The following CIAO3 variants were observed in gnomAD, a reference collection of about 807,000 sequenced individuals.
The protein encoded by CIAO3 is LET1 like/JFP15.
CIAO3 carries 45 observed loss-of-function variants against 51.5 expected under a neutral mutation model. That is an observed-to-expected ratio of 0.87 (90% CI 0.69 to 1.12). The LOEUF is 1.12. Among genes scored for constraint, CIAO3 ranks in the 50% most tolerant of loss-of-function variants. The pLI is 0.00. For missense variants in CIAO3, 668 were observed against 632.5 expected (o/e 1.06, Z -0.60); for synonymous variants, 314 against 269.3 (o/e 1.17, Z -1.63).
chr16:733,682 TGGCCTTCCCAC>T (rs2041307756), intron 6 of CIAO3: 1 of 513,582 alleles, frequency 1.9e-6, no homozygotes. Context: ...GGAGGAGAAG[TGGCCTTCCCAC>T]GGCTCGGGCC....
chr16:739,992 C>G (rs769885845), intron 1 of CIAO3: 1 of 1,476,486 alleles, frequency 6.8e-7, no homozygotes, highest in South Asian at 1.2e-5. Context: ...CTGCAAACTA[C>G]CCACCTGCGG....
At chr16:736,733 G>A (rs375105318) in intron 3 of CIAO3, among the ~76,000 whole-genome samples, 25 of 152,058 alleles carry the variant, frequency 1.6e-4, no homozygotes, top group Non-Finnish European at 7.4e-5. Flanking sequence ...GCGCAATCTC[G>A]GCTCACTGCA....
At chr16:732,740 G>C in intron 7 of CIAO3, 1 of 355,178 alleles carries the variant, frequency 2.8e-6, no homozygotes, top group Middle Eastern at 9.9e-4. Flanking sequence ...GGGATCAAGT[G>C]ACTCTCCTGC....
chr16:730,650 G>C lies in CIAO3; in HGVS notation c.1198C>G (p.Leu400Val), dbSNP rs375118802. Reference sequence around the variant, plus strand: ...GCCTGGAGCTGGCCCCCGCCGTTCAGGCAGCCTATGGGAGAGCAGACGGGA... The same window carrying C: ...GCCTGGAGCTGGCCCCCGCCGTTCACGCAGCCTATGGGAGAGCAGACGGGA... Reference protein sequence around the residue: ...VEVMACPSGCLNGGGQLQAPD... With the variant: ...VEVMACPSGCVNGGGQLQAPD... Residue 400 changes from leucine (L) to valine (V), a missense_variant, in exon 11 of 11, where the codon CTG (leucine) becomes GTG (valine). Coordinates refer to ENST00000251588, the MANE Select transcript of CIAO3 (RefSeq NM_022493.3). The C allele has an allele frequency of 1.2e-6, 2 of 1,608,788 alleles. No individual in the cohort carries two copies. The highest frequency in any genetic ancestry group is 1.7e-6 in the Non-Finnish European group (2 of 1,179,850).
At chr16:738,005 C>T (rs1263678509) in intron 2 of CIAO3, 9 of 1,143,452 alleles carry the variant, frequency 7.9e-6, no homozygotes, top group Admixed American at 9.1e-5. Context: ...AGGAGTAAGG[C>T]GACTGGGTGG....
At chr16:740,125 C>T in intron 1 of CIAO3, 1 of 1,305,642 alleles carries the variant, frequency 7.7e-7, no homozygotes, top group Non-Finnish European at 1.0e-6. Flanking sequence ...CCACCTCCTG[C>T]TCAGTGCCCG....
At chr16:736,131 A>G (rs1372310574) in intron 4 of CIAO3, 135 bp downstream of exon 4, 2 of 1,144,826 alleles carry the variant, frequency 1.7e-6, no homozygotes, top group Non-Finnish European at 2.5e-6. Context: ...GAGGTCACAG[A>G]GGGAATAAAG....
intron 7 of CIAO3, 156 bp downstream of exon 7, chr16:733,142 C>T (rs1385114749): frequency 2.0e-6 from 2 of 977,802 alleles, no homozygotes; most frequent in Non-Finnish European, 2.9e-6. Flanking sequence ...CCACCTGGCT[C>T]CAAGGGGAGA....
chr16:736,194 G>A (rs75559374), intron 4 of CIAO3, 72 bp downstream of exon 4: 25,751 of 1,585,360 alleles, frequency 0.016, 313 homozygotes, highest in South Asian at 0.042. Flanking sequence ...ACTCAGAGGC[G>A]CGAGGGGCCT....
At chr16:730,759 C>T in intron 10 of CIAO3, 84 bp downstream of exon 10, 2 of 1,583,934 alleles carry the variant, frequency 1.3e-6, no homozygotes, top group Non-Finnish European at 8.6e-7. Context: ...TGCCCCACTT[C>T]CTCCCACTCC....
chr16:740,881 C>G (rs1196313819), intron 1 of CIAO3, 39 bp downstream of exon 1: 7 of 1,517,256 alleles, frequency 4.6e-6, no homozygotes, highest in Middle Eastern at 1.8e-4. Context: ...GACAGGGCAC[C>G]GAGCGCAGCC....
At chr16:732,911 C>T in intron 7 of CIAO3, 1 of 317,894 alleles carries the variant, frequency 3.1e-6, no homozygotes, top group Non-Finnish European at 6.1e-6. Context: ...GCTGGGATTA[C>T]AGGCGTGAGC....
rs971391133 is a variant in CIAO3 at position 731,621 on chromosome 16, G to A, written c.978C>T (p.His326=). 2.2e-5 allele frequency: 34 copies of A among 1,562,092 alleles called. No individual in the cohort carries two copies. The highest frequency in any genetic ancestry group is 2.5e-5 in the Non-Finnish European group (29 of 1,153,578). The change falls in exon 9 of 11, where the codon CAC becomes CAT. Residue 326 remains histidine, a synonymous_variant. Coordinates refer to ENST00000251588, the MANE Select transcript of CIAO3 (RefSeq NM_022493.3). ...GGATTCCAAAGAGCTCTCGGGCCGC[G>A]TGCCGGAACACGTGCTCCAGGTAGC... ...SGGYLEHVFR[H]AARELFGIHV...
intron 6 of CIAO3, chr16:733,670 G>A (rs1424649429): frequency 5.6e-6 from 3 of 539,976 alleles, no homozygotes; most frequent in Non-Finnish European, 6.6e-6. Flanking sequence ...GCCAAGTCCA[G>A]CGGAGGAGAA....
At chr16:731,515 C>T (rs2041282228) in intron 9 of CIAO3, 50 bp downstream of exon 9, 2 of 1,505,670 alleles carry the variant, frequency 1.3e-6, no homozygotes, top group African/African-American at 1.4e-5. Flanking sequence ...CCGAGGAAGG[C>T]TGGGGGCTGT....
chr16:733,895 C>T (rs765683440), intron 6 of CIAO3: 15 of 393,716 alleles, frequency 3.8e-5, no homozygotes, highest in African/African-American at 2.3e-4. Flanking sequence ...GCTTCTATCC[C>T]GCTGGGCCTC....
intron 1 of CIAO3, 31 bp from the exon 2 acceptor site, chr16:739,769 CT>C: frequency 6.2e-7 from 1 of 1,603,218 alleles, no homozygotes. Flanking sequence ...AAATCAGCCC[CT>C]GTGAGTGGGC....
In CIAO3 at chr16:737,349, G is replaced by A. The variant is rs780654555; in HGVS notation, c.163-20C>T. On this transcript the variant is annotated intron_variant, in intron 2 of 10. Coordinates refer to ENST00000251588, the MANE Select transcript of CIAO3 (RefSeq NM_022493.3). This position sits in a 1 kb window ranked among gnomAD's most constrained non-coding sequence, Gnocchi z 5.3. ...GCCGTCCTACAAGGGAGAAGAACCC[G>A]GTGCACAGGGGCCCCCTCTGCACGA... The A allele has an allele frequency of 2.0e-5, 32 of 1,612,074 alleles. No homozygotes were observed. The highest frequency in any genetic ancestry group is 2.5e-5 in the Non-Finnish European group (29 of 1,179,620).
At chr16:731,466 A>C in intron 9 of CIAO3, 99 bp downstream of exon 9, 1 of 1,413,324 alleles carries the variant, frequency 7.1e-7, no homozygotes, top group Non-Finnish European at 9.3e-7. Flanking sequence ...CCCTCCACCC[A>C]GCCCACCTCT....
Sources: gnomAD v4.1 joint callset for allele counts (sites outside exome capture counted in the v4.1 genomes callset) on GRCh38, gnomAD v4.1.1 for gene constraint, Gnocchi (gnomAD v3.1) non-coding constraint, MANE v1.5 for transcripts, NCBI Gene and HGNC (gene_info 2026-07-23, HGNC 2026-07-21) for gene names.